Variants in SLAIN1 observed in about 807,000 individuals in gnomAD.
The protein encoded by SLAIN1 is SLAIN family member 1, also known as SLAIN motif-containing protein 1.
SLAIN1 carries 17 observed loss-of-function variants against 55.4 expected under a neutral mutation model. The observed-to-expected ratio is 0.31, with a 90% CI of 0.21 to 0.46. The LOEUF is 0.46. SLAIN1 is among the 20% of genes least tolerant of loss of function. SLAIN1 has a pLI of 1.00. For synonymous variants in SLAIN1, 348 were observed against 337.4 expected, an observed-to-expected ratio of 1.03 and a Z score of -0.35; for missense variants, 682 against 785.1, an observed-to-expected ratio of 0.87 and a Z score of 1.57.
rs1368369073 is a variant in SLAIN1 at position 77,746,638 on chromosome 13, T to C, written c.1041T>C (p.Asp347=). ...AATATGACCAATACAGTCTGGAGGA[T>C]GAAGAGGAATTTGATCATTTGCCAC... is the stretch of plus-strand genomic sequence containing the variant. ...DQEYDQYSLE[D]EEEFDHLPPP... Residue 347 remains aspartate (D), a synonymous_variant, in exon 4 of 7, where the codon GAT becomes GAC. Transcript: ENST00000418532. The C allele has an allele frequency of 7.4e-6, 12 of 1,613,604 alleles. No individual in the cohort carries two copies. Among genetic ancestry groups the C allele is most frequent in the Non-Finnish European group, 1.0e-5 (12 of 1,179,786 alleles).
intron 1 of SLAIN1, among the ~76,000 whole-genome samples, chr13:77,713,401 G>A (rs1490551773): frequency 3.9e-5 from 6 of 152,054 alleles, no homozygotes; most frequent in South Asian, 2.1e-4. Flanking sequence ...ACATTTATGC[G>A]GCCAGCAAAC....
chr13:77,749,886 A>C (rs891442020), intron 4 of SLAIN1, among the ~76,000 whole-genome samples: 3 of 152,180 alleles, frequency 2.0e-5, no homozygotes, highest in African/African-American at 7.2e-5. Flanking sequence ...TGTGAAACTG[A>C]CTTGTTGCTT....
chr13:77,751,109 A>C (rs1304045031), intron 4 of SLAIN1, among the ~76,000 whole-genome samples: 1 of 152,164 alleles, frequency 6.6e-6, no homozygotes, highest in African/African-American at 2.4e-5. Context: ...GCATTCAAGT[A>C]TATCATTATT....
At chr13:77,756,966 A>T (rs1399495582) in intron 5 of SLAIN1, among the ~76,000 whole-genome samples, 1 of 152,162 alleles carries the variant, frequency 6.6e-6, no homozygotes, top group Non-Finnish European at 1.5e-5. Flanking sequence ...TTACATGAAC[A>T]TATGCACTTT....
rs1875205777 is a variant in SLAIN1 at position 77,763,278 on chromosome 13, C to T, written c.*58C>T. 31 of 1,384,802 alleles carry T rather than the reference C, an allele frequency of 2.2e-5. No individual in the cohort carries two copies. The South Asian group carries it at 3.6e-4, about 16-fold the overall frequency. The allele number at this position is 1,384,802 out of a possible 1,614,324, so 85.8% of individuals were successfully genotyped here. A position where few individuals can be genotyped will look rare whatever the true frequency, so the allele number is the denominator to read the frequency against. On this transcript the variant is annotated 3_prime_UTR_variant, in exon 7 of 7. Transcript: ENST00000418532. Reference sequence around the variant, plus strand: ...GAAGTAAAAATGAGGGTTGTGTTACCTAGCTGGCTGGGTAGCAGTGGATGT... The same window carrying T: ...GAAGTAAAAATGAGGGTTGTGTTACTTAGCTGGCTGGGTAGCAGTGGATGT...
At chr13:77,715,664 T>C (rs1383154506) in intron 1 of SLAIN1, among the ~76,000 whole-genome samples, 1 of 152,196 alleles carries the variant, frequency 6.6e-6, no homozygotes, top group Non-Finnish European at 1.5e-5. Flanking sequence ...ATTGTGGTTT[T>C]AGCTATTTTT....
intron 1 of SLAIN1, among the ~76,000 whole-genome samples, chr13:77,699,530 A>G (rs141994840): frequency 3.0e-4 from 46 of 152,068 alleles, no homozygotes; most frequent in Admixed American, 5.9e-4. Context: ...CTGTGTTTTC[A>G]TTACTTTCTT....
chr13:77,762,512 A>G (rs533613677), intron 6 of SLAIN1, among the ~76,000 whole-genome samples: 1 of 152,192 alleles, frequency 6.6e-6, no homozygotes, highest in East Asian at 1.9e-4. Context: ...TCCTGGGCTC[A>G]AGTGATCCTC....
At chr13:77,720,247 G>T (rs1395725139) in intron 2 of SLAIN1, among the ~76,000 whole-genome samples, 1 of 152,162 alleles carries the variant, frequency 6.6e-6, no homozygotes, top group African/African-American at 2.4e-5. Flanking sequence ...GCTATTTGAT[G>T]CAGGGAACTA....
chr13:77,706,981 C>G (rs1164009771), intron 1 of SLAIN1, among the ~76,000 whole-genome samples: 1 of 151,850 alleles, frequency 6.6e-6, no homozygotes, highest in Non-Finnish European at 1.5e-5. Context: ...CATGTTGTAC[C>G]TTGGTATGGG....
chr13:77,744,949 A>G (rs1335073585), intron 3 of SLAIN1, among the ~76,000 whole-genome samples: 1 of 152,106 alleles, frequency 6.6e-6, no homozygotes, highest in Non-Finnish European at 1.5e-5. Context: ...TTGAAGCTCC[A>G]GGGAATCATG....
rs555101857 is a variant in SLAIN1, at chr13:77,726,625, G to T, written c.766+6954G>T. ...TGCAGGGTCAGGATTTTGCCATGTTGCCCAGGCTGATATTGAACTCCTGGG... is the reference window on the plus strand; with the variant it reads ...TGCAGGGTCAGGATTTTGCCATGTTTCCCAGGCTGATATTGAACTCCTGGG... On this transcript the variant is annotated intron_variant, in intron 2 of 6. Coordinates refer to ENST00000418532, the MANE Select transcript of SLAIN1 (RefSeq NM_001242868.2). Among the ~76,000 whole-genome samples, 90 of 152,150 alleles carry T rather than the reference G, an allele frequency of 5.9e-4. 3 individuals carry two copies. In the South Asian group the frequency reaches 0.018, roughly 31 times the overall value.
chr13:77,760,948 T>C lies in SLAIN1; in HGVS notation c.1535T>C (p.Met512Thr). Residue 512 changes from methionine (M) to threonine (T), a missense_variant, in exon 6 of 7, where the codon ATG becomes ACG. Transcript: ENST00000418532. ...VSPTVQGSSN[M>T]PLSNGLQLYS... ...CCAACCGTTCAAGGCAGCAGTAACATGCCTTTATCAAACGGCTTACAGCTG... is the reference window on the plus strand; with the variant it reads ...CCAACCGTTCAAGGCAGCAGTAACACGCCTTTATCAAACGGCTTACAGCTG... 2 of 1,614,188 alleles carry C rather than the reference T, an allele frequency of 1.2e-6. No homozygotes were observed. Among genetic ancestry groups the C allele is most frequent in the Non-Finnish European group, 1.7e-6 (2 of 1,180,030 alleles).
chr13:77,742,228 T>G (rs1314869259), intron 2 of SLAIN1, among the ~76,000 whole-genome samples: 2 of 152,034 alleles, frequency 1.3e-5, no homozygotes, highest in Non-Finnish European at 2.9e-5. Flanking sequence ...TTCCTTTTTG[T>G]TCATTATATT....
At chr13:77,721,779 G>A (rs7332458) in intron 2 of SLAIN1, among the ~76,000 whole-genome samples, 18,944 of 150,624 alleles carry the variant, frequency 0.13, 2,080 homozygotes, top group African/African-American at 0.3. Flanking sequence ...GGTTTTTCAC[G>A]TGTCACAAAA....
rs769340396 is a variant in SLAIN1 at position 77,763,204 on chromosome 13, G to A, written c.1757G>A (p.Arg586Lys). 7 of 1,614,002 alleles carry A rather than the reference G, an allele frequency of 4.3e-6. No homozygotes were observed. Among genetic ancestry groups the A allele is most frequent in the Non-Finnish European group, 5.9e-6 (7 of 1,179,850 alleles). ...AGCACTCTGAGGGATGGAAATTGGAGAGATGGTTGCTACTAATGCAGTTTT... is the reference window on the plus strand; with the variant it reads ...AGCACTCTGAGGGATGGAAATTGGAAAGATGGTTGCTACTAATGCAGTTTT... ...SLSTLRDGNW[R>K]DGCY The change falls in exon 7 of 7, where the codon AGA (arginine) becomes AAA (lysine). Residue 586 changes from arginine (R) to lysine (K), a missense_variant. Physicochemically the swap from Arg to Lys is conservative, Grantham distance 26. Transcript: ENST00000418532.
intron 2 of SLAIN1, among the ~76,000 whole-genome samples, chr13:77,726,848 T>A (rs545887130): frequency 3.3e-4 from 50 of 152,360 alleles, no homozygotes; most frequent in Non-Finnish European, 6.3e-4. Flanking sequence ...ACTTAAGTTT[T>A]CTCAGCCTCT....
chr13:77,724,209 G>A (rs554346658), intron 2 of SLAIN1, among the ~76,000 whole-genome samples: 5 of 152,290 alleles, frequency 3.3e-5, no homozygotes, highest in African/African-American at 1.2e-4. Flanking sequence ...AGGAGCAGTT[G>A]CCTGAGCAGG....
chr13:77,751,753 G>C (rs1874226979), intron 4 of SLAIN1, among the ~76,000 whole-genome samples: 1 of 152,200 alleles, frequency 6.6e-6, no homozygotes, highest in Admixed American at 6.5e-5. Flanking sequence ...GAGCAGGGGA[G>C]GAATTGAGGA....
Sources: gnomAD v4.1 joint callset for allele counts (sites outside exome capture counted in the v4.1 genomes callset) on GRCh38, gnomAD v4.1.1 for gene constraint, MANE v1.5 for transcripts, NCBI Gene and HGNC (gene_info 2026-07-23, HGNC 2026-07-21) for gene names.